PIEZO2: variants seen among roughly 807,000 people sequenced by gnomAD.
PIEZO2 encodes piezo-type mechanosensitive ion channel component 2.
PIEZO2 carries 172 observed loss-of-function variants against 337.3 expected under a neutral mutation model. That is an observed-to-expected ratio of 0.51 (90% CI 0.45 to 0.58). The LOEUF is 0.58. Among genes scored for constraint, PIEZO2 ranks in the 20% least tolerant of loss-of-function variants. The probability of loss-of-function intolerance (pLI) is 0.00; values close to 1 mark genes in which losing one functional copy is unlikely to be tolerated. For missense variants in PIEZO2, 3,028 were observed against 3,391.3 expected, an observed-to-expected ratio of 0.89 and a Z score of 2.66; for synonymous variants, 1,251 against 1,228.5, an observed-to-expected ratio of 1.02 and a Z score of -0.38.
Position 10,942,753 on chromosome 18 carries a change from A to G in PIEZO2, c.287-31525T>C, listed in dbSNP as rs186371603. Among the ~76,000 whole-genome samples the G allele has an allele frequency of 0.013, 2,031 of 152,294 alleles. 47 individuals carry two copies. Among genetic ancestry groups the G allele is most frequent in the African/African-American group, 0.044 (1,810 of 41,564 alleles). Reference sequence around the variant, plus strand: ...AAATATTAATCCCCAAGACAATGGGAAAAATGTCTCCAGGGCATGTCAGAG... The same window carrying G: ...AAATATTAATCCCCAAGACAATGGGGAAAATGTCTCCAGGGCATGTCAGAG... On this transcript the variant is annotated intron_variant, in intron 3 of 55. Transcript: ENST00000674853. This position sits in a 1 kb window ranked among gnomAD's most constrained non-coding sequence, Gnocchi z 4.4.
Position 10,871,311 on chromosome 18 carries a change from T to C in PIEZO2, c.434A>G (p.Gln145Arg). Residue 145 changes from glutamine to arginine, a missense_variant, in exon 5 of 56, where the codon CAG becomes CGG. Gln to Arg is a conservative substitution (Grantham distance 43). Transcript: ENST00000674853. The stretch of plus-strand genomic sequence containing the variant: ...TGCTGCTTCGTCTGTCACAGGTTTC[T>C]GAACAATGTTTCTACAGAGGAGCCA... The part of the protein sequence containing the change: ...TIWLLCRNIV[Q>R]KPVTDEAAQS... 1 of 1,537,290 alleles carries C rather than the reference T, an allele frequency of 6.5e-7. No homozygotes were observed. The highest frequency in any genetic ancestry group is 8.7e-7 in the Non-Finnish European group (1 of 1,146,868).
At chr18:10,706,224 G>T (rs539189822) in intron 40 of PIEZO2, among the ~76,000 whole-genome samples, 15 of 152,086 alleles carry the variant, frequency 9.9e-5, no homozygotes, top group Middle Eastern at 3.2e-3. Flanking sequence ...CAGACCATAA[G>T]GGGGGAATGG....
chr18:10,794,654 T>G lies in PIEZO2; in HGVS notation c.1758+118A>C. The G allele has an allele frequency of 1.2e-6, 1 of 840,732 alleles. No individual in the cohort carries two copies. Among genetic ancestry groups the G allele is most frequent in the Non-Finnish European group, 1.8e-6 (1 of 558,772 alleles). The allele number at this position is 840,732 out of a possible 1,614,324, so 52.1% of individuals were successfully genotyped here. On this transcript the variant is annotated intron_variant, in intron 13 of 55. Transcript: ENST00000674853. This position sits in a 1 kb window ranked among gnomAD's most constrained non-coding sequence, Gnocchi z 6.6. ...TTTCTTACAGTCTCATGTTTGTTCA[T>G]TTTTACAAAGCAGTGAATATTTGGA...
At chr18:10,908,612 C>T (rs1056566615) in intron 4 of PIEZO2, 1 of 152,120 alleles carries the variant, frequency 6.6e-6, no homozygotes, top group East Asian at 1.9e-4. Context: ...TATTTGAAGG[C>T]GCTTGTTGTG....
At position 10,850,358 on chromosome 18, in the gene PIEZO2, C is replaced by T. The variant is rs1330041902; in HGVS notation, c.917+4995G>A. Among the ~76,000 whole-genome samples, 1 of 152,182 alleles carries T rather than the reference C, an allele frequency of 6.6e-6. No homozygotes were observed. Among genetic ancestry groups the T allele is most frequent in the East Asian group, 1.9e-4 (1 of 5,190 alleles). On this transcript the variant is annotated intron_variant, in intron 7 of 55. Coordinates refer to ENST00000674853, the MANE Select transcript of PIEZO2 (RefSeq NM_001378183.1). This position sits in a 1 kb window ranked among gnomAD's most constrained non-coding sequence, Gnocchi z 4.5. Reference sequence around the variant, plus strand: ...ATATGCATGGGGAGGGCATCGCAAACCGGTAAGCTAGTTAACATTATGTTG... The same window carrying T: ...ATATGCATGGGGAGGGCATCGCAAATCGGTAAGCTAGTTAACATTATGTTG...
At position 11,094,280 on chromosome 18, in the gene PIEZO2, G is replaced by C. The variant is rs2039196579; in HGVS notation, c.65-28058C>G. Among the ~76,000 whole-genome samples, 3 of 152,152 alleles carry C rather than the reference G, an allele frequency of 2.0e-5. No homozygotes were observed. On this transcript the variant is annotated intron_variant, in intron 1 of 55. Coordinates refer to ENST00000674853, the MANE Select transcript of PIEZO2 (RefSeq NM_001378183.1). This position sits in a 1 kb window ranked among gnomAD's most constrained non-coding sequence, Gnocchi z 4.4. ...AGGTTAATCCTCCCAAATCACTGGG[G>C]AAGCCATTTATCATTGAAATTTTAC...
intron 3 of PIEZO2, among the ~76,000 whole-genome samples, chr18:10,918,474 T>G (rs540635488): frequency 6.6e-6 from 1 of 152,210 alleles, no homozygotes; most frequent in Admixed American, 6.5e-5. Context: ...ATCAGTTCTT[T>G]TCATAATGTC....
At chr18:10,836,247 C>T (rs777866353) in intron 7 of PIEZO2, among the ~76,000 whole-genome samples, 51 of 152,158 alleles carry the variant, frequency 3.4e-4, no homozygotes, top group Non-Finnish European at 6.9e-4. Flanking sequence ...ATAATGCTGA[C>T]TCTCAGTAGT....
In PIEZO2 at chr18:10,795,095, G is replaced by A. The variant is rs188146674; in HGVS notation, c.1528-93C>T. 3 of 1,081,954 alleles carry A rather than the reference G, an allele frequency of 2.8e-6. No individual in the cohort carries two copies. Among genetic ancestry groups the A allele is most frequent in the African/African-American group, 3.2e-5 (2 of 63,220 alleles). 67.0% of individuals were successfully genotyped at this position (1,081,954 alleles called of 1,614,324 possible). A position where few individuals can be genotyped will look rare whatever the true frequency, so the allele number is the denominator to read the frequency against. On this transcript the variant is annotated intron_variant, in intron 12 of 55. Coordinates refer to ENST00000674853, the MANE Select transcript of PIEZO2 (RefSeq NM_001378183.1). This position sits in a 1 kb window ranked among gnomAD's most constrained non-coding sequence, Gnocchi z 4.4. ...GGTAAAAACTATCTAAAAAGAAAAG[G>A]TCATAATATTCAAACCAGGGAGAGT...
At chr18:11,107,708 C>T (rs1461884403) in intron 1 of PIEZO2, among the ~76,000 whole-genome samples, 1 of 152,166 alleles carries the variant, frequency 6.6e-6, no homozygotes, top group African/African-American at 2.4e-5. Flanking sequence ...CACTACGAAT[C>T]CCTGTAATTT....
Position 10,855,240 on chromosome 18 carries a change from A to G in PIEZO2, c.917+113T>C. 1 of 932,620 alleles carries G rather than the reference A, an allele frequency of 1.1e-6. No homozygotes were observed. The highest frequency in any genetic ancestry group is 2.6e-5 in the East Asian group (1 of 37,904). The allele number at this position is 932,620 out of a possible 1,614,324, so 57.8% of individuals were successfully genotyped here. On this transcript the variant is annotated intron_variant, in intron 7 of 55. Coordinates refer to ENST00000674853, the MANE Select transcript of PIEZO2 (RefSeq NM_001378183.1). This position sits in a 1 kb window ranked among gnomAD's most constrained non-coding sequence, Gnocchi z 4.9. ...CACCCCCACAAAATCTTTGCTTAACACAGCAATTGCCTGCCATCAAGAATA... is the reference window on the plus strand; with the variant it reads ...CACCCCCACAAAATCTTTGCTTAACGCAGCAATTGCCTGCCATCAAGAATA...
intron 43 of PIEZO2, among the ~76,000 whole-genome samples, chr18:10,699,768 T>G (rs1452758320): frequency 1.3e-5 from 2 of 152,206 alleles, no homozygotes; most frequent in Non-Finnish European, 2.9e-5. Flanking sequence ...GCAGATGGAC[T>G]AAGGAAGAAA....
chr18:11,014,789 T>C (rs1250605505), intron 2 of PIEZO2, among the ~76,000 whole-genome samples: 4 of 119,452 alleles, frequency 3.3e-5, no homozygotes, highest in South Asian at 3.0e-4. Context: ...GTGGGGAACA[T>C]GTCACCCTGG....
At chr18:10,796,969 AC>A (rs1171319306) in intron 12 of PIEZO2, among the ~76,000 whole-genome samples, 2 of 151,966 alleles carry the variant, frequency 1.3e-5, no homozygotes, top group East Asian at 3.9e-4. Flanking sequence ...TATCTTATAT[AC>A]CATTATATAT....
chr18:10,983,985 G>A (rs2034773411), intron 2 of PIEZO2, among the ~76,000 whole-genome samples: 1 of 152,154 alleles, frequency 6.6e-6, no homozygotes, highest in Admixed American at 6.6e-5. Flanking sequence ...GGAATAAGAA[G>A]AATGGAGCAG....
intron 2 of PIEZO2, among the ~76,000 whole-genome samples, chr18:11,024,727 G>A (rs967137074): frequency 1.2e-4 from 18 of 151,758 alleles, no homozygotes; most frequent in African/African-American, 3.6e-4. Context: ...TGCAACCTTC[G>A]TCTCCTGGAT....
intron 1 of PIEZO2, among the ~76,000 whole-genome samples, chr18:11,138,909 G>A (rs940091047): frequency 6.6e-6 from 1 of 152,172 alleles, no homozygotes; most frequent in African/African-American, 2.4e-5. Flanking sequence ...GCAAAGACAA[G>A]ACCATTCTCA....
Position 11,069,431 on chromosome 18 carries a change from A to G in PIEZO2, c.65-3209T>C, listed in dbSNP as rs1031980427. ...TAACAGAATGAAGAACAAAAGCCAT[A>G]TATCTTCTCAAAAGATGCAGAAAAA... On this transcript the variant is annotated intron_variant, in intron 1 of 55. Coordinates refer to ENST00000674853, the MANE Select transcript of PIEZO2 (RefSeq NM_001378183.1). The surrounding 1 kb of genome is among the most constrained non-coding windows in gnomAD (Gnocchi z 4.9). 6.6e-6 allele frequency among the ~76,000 whole-genome samples: 1 copy of G among 152,220 alleles called. No homozygotes were observed. Among genetic ancestry groups the G allele is most frequent in the Non-Finnish European group, 1.5e-5 (1 of 68,042 alleles).
Position 10,952,123 on chromosome 18 carries a change from ATC to A in PIEZO2, c.286+27410_286+27411del, listed in dbSNP as rs1459559718. ...AGCAAAACCAGAATCTACTGCTCTGATCTCTCTACTCTTCAGTAGAGCCCCCA... is the reference window on the plus strand; with the variant it reads ...AGCAAAACCAGAATCTACTGCTCTGATCTCTACTCTTCAGTAGAGCCCCCA... On this transcript the variant is annotated intron_variant, in intron 3 of 55. Coordinates refer to ENST00000674853, the MANE Select transcript of PIEZO2 (RefSeq NM_001378183.1). This position sits in a 1 kb window ranked among gnomAD's most constrained non-coding sequence, Gnocchi z 4.1. Among the ~76,000 whole-genome samples, 1 of 152,146 alleles carries A rather than the reference ATC, an allele frequency of 6.6e-6. No homozygotes were observed. The highest frequency in any genetic ancestry group is 1.5e-5 in the Non-Finnish European group (1 of 68,034).
Sources: gnomAD v4.1 joint callset for allele counts (sites outside exome capture counted in the v4.1 genomes callset) on GRCh38, gnomAD v4.1.1 for gene constraint, Gnocchi (gnomAD v3.1) non-coding constraint, MANE v1.5 for transcripts, NCBI Gene and HGNC (gene_info 2026-07-23, HGNC 2026-07-21) for gene names.